Variants in TYW1B observed in about 807,000 individuals in gnomAD.
TYW1B encodes S-adenosyl-L-methionine-dependent tRNA 4-demethylwyosine synthase TYW1B.
Under a neutral mutation model 86.9 loss-of-function variants are expected in TYW1B, and 73 were observed. The observed-to-expected ratio is 0.84, with a 90% CI of 0.70 to 1.02. TYW1B has a LOEUF of 1.02. TYW1B is among the 50% of genes least tolerant of loss of function. The probability of loss-of-function intolerance (pLI) is 0.00; values close to 1 mark genes in which losing one functional copy is unlikely to be tolerated. For missense variants in TYW1B, 637 were observed against 827.4 expected (o/e 0.77, Z 2.82); for synonymous variants, 248 against 292.8 (o/e 0.85, Z 1.56).
chr7:72,737,098 G>A (rs1239468854), intron 8 of TYW1B, among the ~76,000 whole-genome samples: 1 of 152,174 alleles, frequency 6.6e-6, no homozygotes, highest in African/African-American at 2.4e-5. Context: ...CAGCAACCCT[G>A]TAAGGAAGGT....
At chr7:72,717,512 A>C (rs550592161) in intron 9 of TYW1B, among the ~76,000 whole-genome samples, 1 of 152,266 alleles carries the variant, frequency 6.6e-6, no homozygotes, top group African/African-American at 2.4e-5. Context: ...ACAGAAAAAA[A>C]CAAAGAGAAT....
chr7:72,631,658 T>C (rs1167139913), intron 11 of TYW1B, among the ~76,000 whole-genome samples: 1 of 152,052 alleles, frequency 6.6e-6, no homozygotes, highest in African/African-American at 2.4e-5. Context: ...ATATGAAAAA[T>C]AATTAATTGT....
intron 7 of TYW1B, among the ~76,000 whole-genome samples, chr7:72,767,856 A>T (rs1787798176): frequency 6.6e-6 from 1 of 152,118 alleles, no homozygotes. Context: ...AAACAACTGG[A>T]TATCCATATT....
rs58039217 is a variant in TYW1B, at chr7:72,825,101, C to CAA, written c.135+1752_135+1753dup. ...CTGGGCAACAGAGAGACCCTGTCTC[C>CAA]AAAAAAAAAAAAAAAAGCAAAAAGG... On this transcript the variant is annotated intron_variant, in intron 2 of 13. Coordinates refer to ENST00000620995, the MANE Select transcript of TYW1B (RefSeq NM_001145440.3). Among the ~76,000 whole-genome samples the CAA allele has an allele frequency of 1.7e-3, 131 of 74,998 alleles. 3 individuals carry two copies. In the East Asian group the frequency reaches 0.03, roughly 17 times the overall value. 49.2% of individuals were successfully genotyped at this position (74,998 alleles called of 152,430 possible). A position where few individuals can be genotyped will look rare whatever the true frequency, so the allele number is the denominator to read the frequency against.
rs1811002567 is a variant in TYW1B at position 72,575,615 on chromosome 7, C to A, written c.1890G>T (p.Lys630Asn). 2 of 1,613,816 alleles carry A rather than the reference C, an allele frequency of 1.2e-6. No homozygotes were observed. The highest frequency in any genetic ancestry group is 2.7e-5 in the African/African-American group (2 of 74,988). Residue 630 changes from lysine to asparagine, a missense_variant, in exon 14 of 14, where the codon AAG (lysine) becomes AAT (asparagine). Transcript: ENST00000620995. ...DSGGSKTFSA[K>N]DYMARTPHWA... ...AGTGAGGAGTTCTGGCCATATAATC[C>A]TTTGCGCTGAACGTTTTTGATCCAC...
chr7:72,786,012 T>C (rs1554472399), intron 6 of TYW1B, among the ~76,000 whole-genome samples: 1 of 151,854 alleles, frequency 6.6e-6, no homozygotes, highest in Non-Finnish European at 1.5e-5. Context: ...CTCGGGAGGC[T>C]GAGGCAGAAT....
chr7:72,774,641 G>A (rs1274460900), intron 7 of TYW1B, among the ~76,000 whole-genome samples: 6 of 152,122 alleles, frequency 3.9e-5, no homozygotes, highest in Non-Finnish European at 8.8e-5. Flanking sequence ...TGAGGCAGGA[G>A]AATCGCTTGA....
Position 72,694,825 on chromosome 7 carries a change from T to C in TYW1B, c.1371-3A>G. On this transcript the variant is annotated splice_polypyrimidine_tract_variant and splice_region_variant and intron_variant, in intron 10 of 13. Coordinates refer to ENST00000620995, the MANE Select transcript of TYW1B (RefSeq NM_001145440.3). ...GCTGAGTAACTGGCTCGAGGTTCCT[T>C]AGTAATTTTTTTTTTTAAAGGAAGA... 6.3e-7 allele frequency: 1 copy of C among 1,580,768 alleles called. No homozygotes were observed. The highest frequency in any genetic ancestry group is 2.2e-5 in the East Asian group (1 of 44,748).
intron 11 of TYW1B, among the ~76,000 whole-genome samples, chr7:72,661,351 G>T (rs1263109220): frequency 6.6e-6 from 1 of 151,500 alleles, no homozygotes; most frequent in African/African-American, 2.4e-5. Context: ...AAATTCTCTG[G>T]GTTTCTTGAG....
intron 11 of TYW1B, among the ~76,000 whole-genome samples, chr7:72,631,253 C>A (rs1366349769): frequency 6.6e-6 from 1 of 152,142 alleles, no homozygotes; most frequent in Non-Finnish European, 1.5e-5. Context: ...TGGCTCACGC[C>A]TGTAATCCCA....
Position 72,798,768 on chromosome 7 carries a change from G to A in TYW1B, c.846+3632C>T, listed in dbSNP as rs573554245. ...TGAGTGCCTGTTTACTCAGAGCCTC[G>A]CCTAACTGAGTATGTCATCCAGCTT... On this transcript the variant is annotated intron_variant, in intron 6 of 13. Coordinates refer to ENST00000620995, the MANE Select transcript of TYW1B (RefSeq NM_001145440.3). Among the ~76,000 whole-genome samples, 193 of 152,234 alleles carry A rather than the reference G, an allele frequency of 1.3e-3. 5 individuals are homozygous for A. In the South Asian group the frequency reaches 0.039, roughly 31 times the overall value.
intron 13 of TYW1B, among the ~76,000 whole-genome samples, chr7:72,591,977 C>T (rs1401604114): frequency 6.6e-6 from 1 of 151,870 alleles, no homozygotes; most frequent in African/African-American, 2.4e-5. Flanking sequence ...GCGCCCGCCA[C>T]AATGCCTGGA....
Position 72,644,319 on chromosome 7 carries a change from G to A in TYW1B, c.1507-15322C>T, listed in dbSNP as rs567279763. Among the ~76,000 whole-genome samples the A allele has an allele frequency of 2.9e-4, 44 of 152,268 alleles. 1 individual carries two copies. Among genetic ancestry groups the A allele is most frequent in the South Asian group, 1.0e-3 (5 of 4,824 alleles). ...AATCCCAACACTTTGGGAGGTTGAC[G>A]TGGGCGGATCACAAGGTCAGGAGTT... On this transcript the variant is annotated intron_variant, in intron 11 of 13. Coordinates refer to ENST00000620995, the MANE Select transcript of TYW1B (RefSeq NM_001145440.3).
At chr7:72,675,347 C>G (rs189818992) in intron 11 of TYW1B, among the ~76,000 whole-genome samples, 29 of 151,550 alleles carry the variant, frequency 1.9e-4, no homozygotes, top group African/African-American at 6.8e-4. Context: ...TGCAGTGAGC[C>G]GAGACTGTGC....
At position 72,665,843 on chromosome 7, in the gene TYW1B, C is replaced by G. The variant is rs181964858; in HGVS notation, c.1506+28844G>C. The stretch of plus-strand genomic sequence containing the variant: ...TAAATATTTGTTGAGTGAATGAATA[C>G]AGTTTGGACAGTTCAGATCTTTTTA... On this transcript the variant is annotated intron_variant, in intron 11 of 13. Coordinates refer to ENST00000620995, the MANE Select transcript of TYW1B (RefSeq NM_001145440.3). Among the ~76,000 whole-genome samples the G allele has an allele frequency of 1.6e-4, 24 of 152,202 alleles. No homozygotes were observed. In the East Asian group the frequency reaches 2.1e-3, roughly 13 times the overall value.
At chr7:72,594,045 A>G (rs1376063410) in intron 13 of TYW1B, among the ~76,000 whole-genome samples, 7 of 151,946 alleles carry the variant, frequency 4.6e-5, no homozygotes, top group Non-Finnish European at 1.0e-4. Flanking sequence ...ACTTATAGCT[A>G]TAAACACTGA....
intron 13 of TYW1B, among the ~76,000 whole-genome samples, chr7:72,584,941 T>C (rs1811241753): frequency 6.6e-6 from 1 of 152,210 alleles, no homozygotes; most frequent in Admixed American, 6.5e-5. Flanking sequence ...CTGCCTTTGA[T>C]TTGTTTGATT....
At chr7:72,616,264 A>G (rs1164211040) in intron 13 of TYW1B, among the ~76,000 whole-genome samples, 2 of 152,266 alleles carry the variant, frequency 1.3e-5, no homozygotes, top group Non-Finnish European at 2.9e-5. Flanking sequence ...CCAGATGCCA[A>G]GATTCAAGCA....
At chr7:72,683,160 G>GT (rs1212667332) in intron 11 of TYW1B, among the ~76,000 whole-genome samples, 9 of 152,152 alleles carry the variant, frequency 5.9e-5, no homozygotes, top group Non-Finnish European at 1.2e-4. Context: ...GGCCTTCCAT[G>GT]TAAGAAAAGG....
Sources: allele counts gnomAD v4.1 joint callset (sites outside exome capture counted in the v4.1 genomes callset), GRCh38; gene constraint gnomAD v4.1.1; transcripts MANE v1.5; gene names NCBI Gene and HGNC (gene_info 2026-07-23, HGNC 2026-07-21).